CHD1L: variants seen among roughly 807,000 people sequenced by gnomAD.
CHD1L encodes ATP-dependent chromatin remodeler CHD1L.
CHD1L carries 118 observed loss-of-function variants against 115.9 expected under a neutral mutation model. The ratio of observed to expected loss-of-function variants is 1.02; its 90% confidence interval spans 0.88 to 1.19. The LOEUF is 1.19. CHD1L is among the 50% of genes most tolerant of loss of function. CHD1L has a pLI of 0.00. For missense variants in CHD1L, 1,179 were observed against 1,065.3 expected (o/e 1.11, Z -1.49); for synonymous variants, 411 against 387.1 (o/e 1.06, Z -0.72).
the CHD1L span, among the ~76,000 whole-genome samples, chr1:147,207,595 G>A: frequency 2.0e-5 from 3 of 151,922 alleles, no homozygotes; most frequent in Admixed American, 6.6e-5. Context: ...TGTTGCCCTC[G>A]GGAAAATTAC....
At chr1:147,279,694 T>C (rs1397132497) in intron 14 of CHD1L, among the ~76,000 whole-genome samples, 1 of 152,176 alleles carries the variant, frequency 6.6e-6, no homozygotes, top group African/African-American at 2.4e-5. Flanking sequence ...GGAATGCTTA[T>C]GAAAAAGTCA....
chr1:147,222,582 A>C, the CHD1L span, among the ~76,000 whole-genome samples: 1 of 152,212 alleles, frequency 6.6e-6, no homozygotes, highest in Non-Finnish European at 1.5e-5. Context: ...GGGGAGCTTT[A>C]AAAAATGGAG....
the CHD1L span, among the ~76,000 whole-genome samples, chr1:147,223,161 T>G: frequency 1.3e-5 from 2 of 152,206 alleles, no homozygotes; most frequent in Non-Finnish European, 2.9e-5. Context: ...AAATAAGGTT[T>G]GAGCCTAAGA....
At chr1:147,194,317 C>A in the CHD1L span, among the ~76,000 whole-genome samples, 3 of 152,214 alleles carry the variant, frequency 2.0e-5, no homozygotes, top group South Asian at 4.2e-4. Context: ...TTATCAGAGA[C>A]TAGGATTGCA....
chr1:147,286,452 AC>A lies in CHD1L; in HGVS notation c.2176del (p.His726ThrfsTer15). On this transcript the variant is annotated frameshift_variant, in exon 18 of 23. Transcript: ENST00000369258. LOFTEE classifies it high-confidence loss of function. ...TSLKYVSGDVTHPQAGAEDAL... is the reference protein window; with the variant it reads ...TSLKYVSGDVXHPQAGAEDAL... The stretch of plus-strand genomic sequence containing the variant: ...CCTCAAGTACGTTAGTGGTGATGTC[AC>A]CCACCCTCAGGCTGGGGCCGAGGAT... 6.2e-7 allele frequency: 1 copy of A among 1,613,974 alleles called. No homozygotes were observed. The highest frequency in any genetic ancestry group is 1.3e-5 in the African/African-American group (1 of 74,988).
the CHD1L span, chr1:147,225,046 C>T: frequency 1.9e-6 from 3 of 1,614,074 alleles, no homozygotes; most frequent in Non-Finnish European, 2.5e-6. Context: ...CCGAGATCTT[C>T]ACCTGTTAGT....
Position 147,291,691 on chromosome 1 carries a change from A to T in CHD1L, c.2391+139A>T, listed in dbSNP as rs1418685978. ...CATAACAAAAAGACACAGACTAGGT[A>T]GCTTAAACAACAGAAATGTATTTCC... On this transcript the variant is annotated intron_variant, in intron 20 of 22. Coordinates refer to ENST00000369258, the MANE Select transcript of CHD1L (RefSeq NM_004284.6). 21 of 671,238 alleles carry T rather than the reference A, an allele frequency of 3.1e-5. No individual in the cohort carries two copies. In the Admixed American group the frequency reaches 5.3e-4, roughly 17 times the overall value. The allele number at this position is 671,238 out of a possible 1,614,324, so 41.6% of individuals were successfully genotyped here.
chr1:147,270,067 A>G (rs1675547285), intron 10 of CHD1L, among the ~76,000 whole-genome samples: 1 of 152,222 alleles, frequency 6.6e-6, no homozygotes, highest in African/African-American at 2.4e-5. Flanking sequence ...AATGGCAGAA[A>G]TGAGATTAGA....
chr1:147,203,438 C>T, the CHD1L span: 30,067 of 843,574 alleles, frequency 0.036, 886 homozygotes, highest in South Asian at 0.092. Flanking sequence ...AGAACACCAG[C>T]TTCCAACATG....
At chr1:147,179,961 A>AGAAGAAGAAAAGTGGT in the CHD1L span, among the ~76,000 whole-genome samples, 4 of 151,882 alleles carry the variant, frequency 2.6e-5, no homozygotes, top group African/African-American at 9.7e-5. Flanking sequence ...TAAAAAAAAA[A>AGAAGAAGAAAAGTGGT]AAAATAGGAA....
At chr1:147,208,847 C>T in the CHD1L span, 2 of 1,613,166 alleles carry the variant, frequency 1.2e-6, no homozygotes, top group South Asian at 1.1e-5. Flanking sequence ...ATCCTGGGAA[C>T]ATACCTGTGT....
chr1:147,280,768 C>T (rs145483599), intron 15 of CHD1L, among the ~76,000 whole-genome samples: 6 of 152,144 alleles, frequency 3.9e-5, no homozygotes, highest in Admixed American at 6.5e-5. Context: ...CTTAAATTTC[C>T]GATTTGAAGT....
At chr1:147,279,937 G>C (rs1553960577) in intron 14 of CHD1L, 89 bp from the exon 15 acceptor site, 1 of 1,328,360 alleles carries the variant, frequency 7.5e-7, no homozygotes. Flanking sequence ...GACTGTGCCT[G>C]GTGTCGTTAA....
the CHD1L span, chr1:147,176,360 T>C: frequency 3.3e-5 from 5 of 152,234 alleles, no homozygotes; most frequent in Admixed American, 3.3e-4. Context: ...GATTTGCATG[T>C]AAATTCTATC....
At chr1:147,198,288 T>C in the CHD1L span, among the ~76,000 whole-genome samples, 1 of 152,182 alleles carries the variant, frequency 6.6e-6, no homozygotes, top group African/African-American at 2.4e-5. Flanking sequence ...ATACCTCTTA[T>C]GTGCTAGGCA....
the CHD1L span, chr1:147,187,310 G>A: frequency 7.4e-6 from 9 of 1,210,848 alleles, no homozygotes; most frequent in Admixed American, 2.3e-5. Context: ...ATCAATTACT[G>A]CCTTCTGAGT....
chr1:147,216,928 C>T, the CHD1L span, among the ~76,000 whole-genome samples: 1 of 152,178 alleles, frequency 6.6e-6, no homozygotes, highest in South Asian at 2.1e-4. Flanking sequence ...CTACAACAAA[C>T]TTCTTTGCAT....
chr1:147,186,533 G>T, the CHD1L span: 2 of 1,000,650 alleles, frequency 2.0e-6, no homozygotes, highest in Non-Finnish European at 2.4e-6. Flanking sequence ...TGGAGTAAGC[G>T]ATTTTATACC....
At chr1:147,273,831 T>C (rs2102706416) in intron 12 of CHD1L, among the ~76,000 whole-genome samples, 1 of 152,324 alleles carries the variant, frequency 6.6e-6, no homozygotes, top group East Asian at 1.9e-4. Context: ...TTTGTTGTAG[T>C]TTTGCAGTAT....
Sources: allele counts gnomAD v4.1 joint callset (sites outside exome capture counted in the v4.1 genomes callset), GRCh38; gene constraint gnomAD v4.1.1; transcripts MANE v1.5; gene names NCBI Gene and HGNC (gene_info 2026-07-23, HGNC 2026-07-21).